Variants in KCNK2 observed in about 807,000 individuals in gnomAD.
The protein encoded by KCNK2 is potassium channel subfamily K member 2.
Under a neutral mutation model 40.5 loss-of-function variants are expected in KCNK2, and 21 were observed. The observed-to-expected ratio is 0.52, with a 90% CI of 0.37 to 0.75. The LOEUF is 0.75. Among genes scored for constraint, KCNK2 ranks in the 30% least tolerant of loss-of-function variants. KCNK2 has a pLI of 0.00. For synonymous variants in KCNK2, 191 were observed against 202.2 expected (o/e 0.94, Z 0.47); for missense variants, 399 against 531.6 (o/e 0.75, Z 2.45).
chr1:215,216,742 G>C (rs1665978718), intron 6 of KCNK2, among the ~76,000 whole-genome samples: 1 of 151,954 alleles, frequency 6.6e-6, no homozygotes, highest in Non-Finnish European at 1.5e-5. Context: ...TAAAAGTCAT[G>C]AGCTATTTTA....
chr1:215,075,200 CCTTT>C (rs1658885297), intron 1 of KCNK2, among the ~76,000 whole-genome samples: 1 of 152,096 alleles, frequency 6.6e-6, no homozygotes, highest in African/African-American at 2.4e-5. Flanking sequence ...TAAAAACTTA[CCTTT>C]CTTCATATAT....
At chr1:215,131,149 C>T (rs1661658426) in intron 3 of KCNK2, among the ~76,000 whole-genome samples, 1 of 151,344 alleles carries the variant, frequency 6.6e-6, no homozygotes, top group South Asian at 2.1e-4. Flanking sequence ...CGTGAGCCAC[C>T]GCGCCCAGCA....
chr1:215,013,136 A>G (rs1030696557), intron 1 of KCNK2, among the ~76,000 whole-genome samples: 1 of 151,844 alleles, frequency 6.6e-6, no homozygotes, highest in Non-Finnish European at 1.5e-5. Context: ...TAGATCTATG[A>G]TTCACTTCAA....
chr1:215,172,222 G>T (rs1478083925), intron 5 of KCNK2, 39 bp downstream of exon 5: 3 of 1,527,276 alleles, frequency 2.0e-6, no homozygotes, highest in Non-Finnish European at 2.7e-6. Flanking sequence ...CTTCTAACAG[G>T]GGTTTATTAG....
At chr1:215,007,756 A>C (rs574574502) in intron 1 of KCNK2, among the ~76,000 whole-genome samples, 1 of 152,314 alleles carries the variant, frequency 6.6e-6, no homozygotes, top group African/African-American at 2.4e-5. Flanking sequence ...GTTATCATTA[A>C]GGTAAACTAC....
At chr1:215,070,226 T>G (rs760485056) in intron 1 of KCNK2, among the ~76,000 whole-genome samples, 1 of 135,032 alleles carries the variant, frequency 7.4e-6, no homozygotes, top group Non-Finnish European at 1.6e-5. Context: ...CTGGCTAACA[T>G]GGTGAAACCC....
At chr1:215,067,713 A>T (rs1050719235) in intron 1 of KCNK2, among the ~76,000 whole-genome samples, 1 of 152,062 alleles carries the variant, frequency 6.6e-6, no homozygotes, top group African/African-American at 2.4e-5. Context: ...AAAAAATATA[A>T]AAACTAGCTA....
intron 5 of KCNK2, among the ~76,000 whole-genome samples, chr1:215,193,455 C>T (rs1558132809): frequency 1.3e-5 from 2 of 150,628 alleles, no homozygotes; most frequent in African/African-American, 2.4e-5. Flanking sequence ...TTTAAAGTCA[C>T]TCTTTCTTCC....
At chr1:215,178,615 T>TA (rs1162667565) in intron 5 of KCNK2, among the ~76,000 whole-genome samples, 45 of 152,324 alleles carry the variant, frequency 3.0e-4, no homozygotes, top group Middle Eastern at 3.4e-3. Context: ...ATTGAGATGA[T>TA]AGTATGGTTC....
chr1:215,150,021 G>A (rs1662614729), intron 3 of KCNK2, among the ~76,000 whole-genome samples: 1 of 152,178 alleles, frequency 6.6e-6, no homozygotes, highest in Non-Finnish European at 1.5e-5. Flanking sequence ...CATGGCCCCT[G>A]ACCTTACGGA....
At chr1:215,190,463 A>G in intron 5 of KCNK2, among the ~76,000 whole-genome samples, 1 of 152,216 alleles carries the variant, frequency 6.6e-6, no homozygotes, top group East Asian at 1.9e-4. Context: ...ACTGGGTTCA[A>G]TGAAGGAGCC....
chr1:215,011,516 C>T (rs115219350), intron 1 of KCNK2, among the ~76,000 whole-genome samples: 1,782 of 152,224 alleles, frequency 0.012, 40 homozygotes, highest in African/African-American at 0.041. Context: ...TGGTCTCAAA[C>T]TCCAGGACTC....
chr1:215,148,080 C>CTTTCTTTTTTTTTTTT lies in KCNK2; in HGVS notation c.476-21116_476-21115insCTTTTTTTTTTTTTTT, dbSNP rs1553267720. 2.7e-5 allele frequency among the ~76,000 whole-genome samples: 3 copies of CTTTCTTTTTTTTTTTT among 111,180 alleles called. 1 individual carries two copies. The highest frequency in any genetic ancestry group is 7.5e-5 in the African/African-American group (2 of 26,746). 72.9% of individuals were successfully genotyped at this position (111,180 alleles called of 152,430 possible). ...ATTATTATTTTTTTATTTTCTTTTC[C>CTTTCTTTTTTTTTTTT]TTTTTTTTTTTTTTTTTTGGCAGGG... On this transcript the variant is annotated intron_variant, in intron 3 of 6. Transcript: ENST00000444842.
chr1:215,221,635 G>A (rs1490321504), intron 6 of KCNK2, among the ~76,000 whole-genome samples: 1 of 152,076 alleles, frequency 6.6e-6, no homozygotes, highest in African/African-American at 2.4e-5. Context: ...AGTAGACTTA[G>A]TAGGAGGTGG....
chr1:215,220,542 A>G (rs1004795928), intron 6 of KCNK2, among the ~76,000 whole-genome samples: 1 of 152,086 alleles, frequency 6.6e-6, no homozygotes, highest in Non-Finnish European at 1.5e-5. Flanking sequence ...CTCTGGTACC[A>G]TGGCCCTCTC....
intron 6 of KCNK2, among the ~76,000 whole-genome samples, chr1:215,210,099 A>G (rs1665671661): frequency 8.1e-6 from 1 of 122,762 alleles, no homozygotes; most frequent in Admixed American, 1.0e-4. Context: ...ATATAAATAT[A>G]TATGTACTAT....
At chr1:215,089,876 G>T (rs1018089609) in intron 2 of KCNK2, among the ~76,000 whole-genome samples, 1 of 150,204 alleles carries the variant, frequency 6.7e-6, no homozygotes, top group Non-Finnish European at 1.5e-5. Flanking sequence ...GCCCAGCCTG[G>T]AGTGCAATGG....
At chr1:215,034,406 C>T (rs1185802659) in intron 1 of KCNK2, among the ~76,000 whole-genome samples, 1 of 150,296 alleles carries the variant, frequency 6.7e-6, no homozygotes, top group African/African-American at 2.5e-5. Context: ...AGTTTTTTTG[C>T]GACCTTATTT....
chr1:215,052,833 A>C (rs1658033972), intron 1 of KCNK2, among the ~76,000 whole-genome samples: 1 of 152,208 alleles, frequency 6.6e-6, no homozygotes, highest in Admixed American at 6.5e-5. Flanking sequence ...ACAGTTTTGC[A>C]TCATGACTAT....
Sources: gnomAD v4.1 joint callset for allele counts (sites outside exome capture counted in the v4.1 genomes callset) on GRCh38, gnomAD v4.1.1 for gene constraint, MANE v1.5 for transcripts, NCBI Gene and HGNC (gene_info 2026-07-23, HGNC 2026-07-21) for gene names.